The following LRRC3B variants were observed in gnomAD, a reference collection of about 807,000 sequenced individuals.
The protein encoded by LRRC3B is leucine rich repeat containing 3B.
A neutral mutation model predicts 12.8 loss-of-function variants in LRRC3B; 2 were observed. The observed-to-expected ratio is 0.16, with a 90% confidence interval of 0.06 to 0.49. The LOEUF is 0.49. Ranked by LOEUF, LRRC3B falls within the 20% of genes least tolerant of loss-of-function variation. LRRC3B has a pLI of 0.96. For synonymous variants in LRRC3B, 132 were observed against 122.0 expected (o/e 1.08, Z -0.54); for missense variants, 189 against 319.4 (o/e 0.59, Z 3.11).
chr3:26,672,931 C>T (rs940551511), intron 1 of LRRC3B, among the ~76,000 whole-genome samples: 1 of 152,270 alleles, frequency 6.6e-6, no homozygotes, highest in Non-Finnish European at 1.5e-5. Context: ...TTTGAGAGAA[C>T]AGCACTTCTC....
intron 1 of LRRC3B, among the ~76,000 whole-genome samples, chr3:26,646,632 A>ACC (rs1281885644): frequency 1.6e-5 from 2 of 127,862 alleles, no homozygotes; most frequent in East Asian, 2.2e-4. Context: ...AAAAAAAAAA[A>ACC]AAAACGGATT....
intron 1 of LRRC3B, among the ~76,000 whole-genome samples, chr3:26,671,367 TATATATAGAG>T (rs1440301050): frequency 2.2e-4 from 9 of 40,294 alleles, no homozygotes; most frequent in Admixed American, 8.1e-4. Context: ...TATATATATA[TATATATAGAG>T]AGAGAGAGAG....
chr3:26,631,791 T>G (rs1698762550), intron 1 of LRRC3B, among the ~76,000 whole-genome samples: 2 of 151,996 alleles, frequency 1.3e-5, no homozygotes, highest in African/African-American at 4.8e-5. Context: ...ACTCTAACCA[T>G]CTCTGTGGCA....
chr3:26,683,629 T>G (rs1039607130), intron 1 of LRRC3B, among the ~76,000 whole-genome samples: 1 of 152,176 alleles, frequency 6.6e-6, no homozygotes, highest in Non-Finnish European at 1.5e-5. Context: ...GAACCATACA[T>G]GCATAAGGTT....
chr3:26,702,547 C>G, intron 1 of LRRC3B, among the ~76,000 whole-genome samples: 1 of 152,140 alleles, frequency 6.6e-6, no homozygotes, highest in East Asian at 1.9e-4. Flanking sequence ...CCTCATTGAG[C>G]TGTTTGTTGA....
At chr3:26,637,508 C>T (rs950245934) in intron 1 of LRRC3B, among the ~76,000 whole-genome samples, 6 of 152,102 alleles carry the variant, frequency 3.9e-5, no homozygotes, top group African/African-American at 1.4e-4. Flanking sequence ...GTCTTCTTTC[C>T]ACTGAGTTGT....
At chr3:26,654,944 A>G (rs571076665) in intron 1 of LRRC3B, among the ~76,000 whole-genome samples, 1 of 152,290 alleles carries the variant, frequency 6.6e-6, no homozygotes, top group Non-Finnish European at 1.5e-5. Context: ...TATCATCTTC[A>G]TAATTTTTGA....
chr3:26,661,527 T>A (rs190735637), intron 1 of LRRC3B, among the ~76,000 whole-genome samples: 307 of 152,288 alleles, frequency 2.0e-3, no homozygotes, highest in African/African-American at 6.4e-3. Flanking sequence ...TACCCTATTT[T>A]AAAAAATGTT....
intron 1 of LRRC3B, among the ~76,000 whole-genome samples, chr3:26,705,870 C>G (rs1484885899): frequency 6.6e-6 from 1 of 152,112 alleles, no homozygotes; most frequent in Non-Finnish European, 1.5e-5. Context: ...ACTGATAATC[C>G]CTTTGGAAAC....
intron 1 of LRRC3B, among the ~76,000 whole-genome samples, chr3:26,685,491 CTCT>C (rs1700058635): frequency 2.9e-5 from 1 of 34,302 alleles, no homozygotes; most frequent in Admixed American, 4.4e-4. Flanking sequence ...CTCTCCCTCT[CTCT>C]CTCTCTCTCT....
chr3:26,645,254 T>G (rs142222678), intron 1 of LRRC3B, among the ~76,000 whole-genome samples: 461 of 152,278 alleles, frequency 3.0e-3, no homozygotes, highest in Non-Finnish European at 5.5e-3. Flanking sequence ...TGGATAAAAT[T>G]TTTTGAGCCT....
chr3:26,671,681 C>A (rs1699752230), intron 1 of LRRC3B, among the ~76,000 whole-genome samples: 1 of 151,960 alleles, frequency 6.6e-6, no homozygotes, highest in Non-Finnish European at 1.5e-5. Context: ...GTGCGAGCCA[C>A]CGCACCTGGC....
chr3:26,656,897 C>G (rs573684328), intron 1 of LRRC3B, among the ~76,000 whole-genome samples: 1 of 152,114 alleles, frequency 6.6e-6, no homozygotes, highest in Non-Finnish European at 1.5e-5. Context: ...GGACAATAGA[C>G]AAAGACCTAG....
chr3:26,696,474 C>T (rs1027974399), intron 1 of LRRC3B, among the ~76,000 whole-genome samples: 9 of 152,152 alleles, frequency 5.9e-5, no homozygotes, highest in Non-Finnish European at 1.3e-4. Context: ...TTTAAAATGG[C>T]ATTCTGTAAA....
intron 1 of LRRC3B, among the ~76,000 whole-genome samples, chr3:26,637,534 T>C (rs143278547): frequency 9.6e-4 from 146 of 152,298 alleles, no homozygotes; most frequent in African/African-American, 3.4e-3. Context: ...GACCAGGAAG[T>C]CTGGACACAT....
At chr3:26,626,948 C>G (rs1046560737) in intron 1 of LRRC3B, among the ~76,000 whole-genome samples, 3 of 152,174 alleles carry the variant, frequency 2.0e-5, no homozygotes, top group Admixed American at 6.5e-5. Context: ...AGGAAACATT[C>G]TTTTGAATAC....
intron 1 of LRRC3B, among the ~76,000 whole-genome samples, chr3:26,645,040 A>G (rs1699113904): frequency 1.3e-5 from 2 of 152,184 alleles, no homozygotes; most frequent in Non-Finnish European, 2.9e-5. Context: ...ACATACATCC[A>G]TACATGGAGA....
At chr3:26,702,629 A>T (rs771305737) in intron 1 of LRRC3B, among the ~76,000 whole-genome samples, 6 of 152,192 alleles carry the variant, frequency 3.9e-5, no homozygotes, top group Non-Finnish European at 8.8e-5. Flanking sequence ...GTTATGAACC[A>T]TCGGGAGTCA....
rs555284725 is a variant in LRRC3B, at chr3:26,649,312, A to G, written c.-161+26075A>G. On this transcript the variant is annotated intron_variant, in intron 1 of 1. Transcript: ENST00000396641. ...GGGCAGCCTCTACTGGTCTTAGTGG[A>G]AAAACTACCATTGGGGTTCTAAGAT... 9.2e-5 allele frequency among the ~76,000 whole-genome samples: 14 copies of G among 152,282 alleles called. 1 individual carries two copies. The South Asian group carries it at 2.7e-3, about 29-fold the overall frequency.
Sources: allele counts gnomAD v4.1 joint callset (sites outside exome capture counted in the v4.1 genomes callset), GRCh38; gene constraint gnomAD v4.1.1; transcripts MANE v1.5; gene names NCBI Gene and HGNC (gene_info 2026-07-23, HGNC 2026-07-21).